ZNF791: variants seen among roughly 807,000 people sequenced by gnomAD.
The protein encoded by ZNF791 is zinc finger protein 791.
A neutral mutation model predicts 11.5 loss-of-function variants in ZNF791; 4 were observed. The observed-to-expected ratio is 0.35, with a 90% CI of 0.17 to 0.80. ZNF791 has a LOEUF of 0.80. Among genes scored for constraint, ZNF791 ranks in the 30% least tolerant of loss-of-function variants. ZNF791 has a pLI of 0.53. For synonymous variants in ZNF791, 212 were observed against 228.1 expected (o/e 0.93, Z 0.64); for missense variants, 559 against 699.4 (o/e 0.80, Z 2.26).
chr19:12,620,082 C>G (rs1454088908), intron 1 of ZNF791, among the ~76,000 whole-genome samples: 3 of 151,930 alleles, frequency 2.0e-5, no homozygotes, highest in East Asian at 3.9e-4. Flanking sequence ...CGCCACGGCA[C>G]CCAGCTAATT....
rs74808337 is a variant in ZNF791, at chr19:12,624,079, C to T, written c.130+253C>T. On this transcript the variant is annotated intron_variant, in intron 2 of 3. Coordinates refer to ENST00000343325, the MANE Select transcript of ZNF791 (RefSeq NM_153358.3). Reference sequence around the variant, plus strand: ...CCATGTTGGTCAGGCTGGTCTTGAACTCCTGACCACAGGTAATCTGCCCGC... The same window carrying T: ...CCATGTTGGTCAGGCTGGTCTTGAATTCCTGACCACAGGTAATCTGCCCGC... 1.3e-4 allele frequency among the ~76,000 whole-genome samples: 20 copies of T among 150,914 alleles called. No homozygotes were observed. In the East Asian group the frequency reaches 3.7e-3, roughly 28 times the overall value.
At chr19:12,614,855 A>AGGGCTG (rs1286880908) in intron 1 of ZNF791, among the ~76,000 whole-genome samples, 1 of 112,366 alleles carries the variant, frequency 8.9e-6, no homozygotes. Flanking sequence ...GGCCTCCCAG[A>AGGGCTG]GGGCTGGGAT....
intron 1 of ZNF791, among the ~76,000 whole-genome samples, chr19:12,617,913 CTTTTTTTTT>C (rs958944041): frequency 1.1e-5 from 1 of 94,746 alleles, no homozygotes; most frequent in Non-Finnish European, 2.2e-5. Context: ...CTAAATTTTG[CTTTTTTTTT>C]TTTTTTTTTT....
At chr19:12,621,811 G>T (rs1204985532) in intron 1 of ZNF791, among the ~76,000 whole-genome samples, 1 of 138,684 alleles carries the variant, frequency 7.2e-6, no homozygotes, top group Non-Finnish European at 1.6e-5. Flanking sequence ...CCGTCCGGGA[G>T]GTGAGGGGCG....
At chr19:12,615,705 G>A (rs2023236485) in intron 1 of ZNF791, among the ~76,000 whole-genome samples, 1 of 150,988 alleles carries the variant, frequency 6.6e-6, no homozygotes. Context: ...CTTGAACCTG[G>A]AAGGTGGAGG....
rs775731072 is a variant in ZNF791 at position 12,615,932 on chromosome 19, CAT to C, written c.3+4851_3+4852del. Among the ~76,000 whole-genome samples, 14 of 152,236 alleles carry C rather than the reference CAT, an allele frequency of 9.2e-5. No homozygotes were observed. In the South Asian group the frequency reaches 1.0e-3, roughly 11 times the overall value. ...TTTGTATGAACAGTATTTTTCAACT[CAT>C]GTGAGTAAATAGCAAGGAATGTGAT... On this transcript the variant is annotated intron_variant, in intron 1 of 3. Transcript: ENST00000343325.
At chr19:12,622,387 T>A (rs113220114) in intron 1 of ZNF791, among the ~76,000 whole-genome samples, 6,912 of 18,956 alleles carry the variant, frequency 0.36, 741 homozygotes, top group African/African-American at 0.52. Flanking sequence ...ATAAAAAAAA[T>A]AATAAAAAAA....
chr19:12,620,024 C>T (rs1000134915), intron 1 of ZNF791, among the ~76,000 whole-genome samples: 26 of 151,830 alleles, frequency 1.7e-4, no homozygotes, highest in African/African-American at 6.0e-4. Flanking sequence ...CCCGGGTTCC[C>T]GCCATTCTCC....
rs757766005 is a variant in ZNF791, at chr19:12,633,208, T to C, written c.*3948T>C. On this transcript the variant is annotated 3_prime_UTR_variant, in exon 4 of 4. Coordinates refer to ENST00000343325, the MANE Select transcript of ZNF791 (RefSeq NM_153358.3). ...ATGTGAAGTTTATCATATATTCTTA[T>C]GCGAATTATTATTTTCGCCTTTTTT... The C allele has an allele frequency of 6.6e-6, 1 of 152,186 alleles. No homozygotes were observed. Among genetic ancestry groups the C allele is most frequent in the Non-Finnish European group, 1.5e-5 (1 of 68,032 alleles). 9.4% of individuals were successfully genotyped at this position (152,186 alleles called of 1,614,324 possible). A position where few individuals can be genotyped will look rare whatever the true frequency, so the allele number is the denominator to read the frequency against.
At chr19:12,627,244 T>C (rs1044291007) in intron 3 of ZNF791, among the ~76,000 whole-genome samples, 24 of 151,750 alleles carry the variant, frequency 1.6e-4, no homozygotes, top group African/African-American at 5.8e-4. Flanking sequence ...TAGCTATCAG[T>C]GACACAAGCC....
intron 1 of ZNF791, among the ~76,000 whole-genome samples, chr19:12,620,077 CG>C (rs1388470290): frequency 6.6e-6 from 1 of 151,962 alleles, no homozygotes; most frequent in Non-Finnish European, 1.5e-5. Flanking sequence ...GCGCCCGCCA[CG>C]GCACCCAGCT....
At chr19:12,614,132 C>T (rs765047691) in intron 1 of ZNF791, among the ~76,000 whole-genome samples, 8 of 152,122 alleles carry the variant, frequency 5.3e-5, no homozygotes, top group Non-Finnish European at 1.2e-4. Context: ...TCTTTGCTGC[C>T]ATAGGAGAGA....
In ZNF791 at chr19:12,628,490, A is replaced by G. The variant is rs1164262738; in HGVS notation, c.961A>G (p.Ile321Val). 13 of 1,612,582 alleles carry G rather than the reference A, an allele frequency of 8.1e-6. No homozygotes were observed. The African/African-American group carries it at 1.6e-4, about 20-fold the overall frequency. ...CACCTCCATTCAAATTCATGAAAGA[A>G]TTCATACTGGAGAGAAGCCCTATAA... is the stretch of plus-strand genomic sequence containing the variant. Reference protein sequence around the residue: ...CSTSIQIHERIHTGEKPYKCK... With the variant: ...CSTSIQIHERVHTGEKPYKCK... Residue 321 changes from isoleucine (I) to valine (V), a missense_variant, in exon 4 of 4, where the codon ATT becomes GTT. Ile to Val is a conservative substitution (Grantham distance 29). Coordinates refer to ENST00000343325, the MANE Select transcript of ZNF791 (RefSeq NM_153358.3).
At chr19:12,619,681 C>G (rs1463146248) in intron 1 of ZNF791, among the ~76,000 whole-genome samples, 1 of 151,556 alleles carries the variant, frequency 6.6e-6, no homozygotes, top group African/African-American at 2.4e-5. Flanking sequence ...GATCTCCTGA[C>G]CTCATGATCT....
Position 12,624,674 on chromosome 19 carries a change from T to C in ZNF791, c.155T>C (p.Val52Ala), listed in dbSNP as rs1387153445. ...GGGGAAAAATGGGAAGACCCGAATGTTGAAGATCAACACAAAAACCAAGGA... is the reference window on the plus strand; with the variant it reads ...GGGGAAAAATGGGAAGACCCGAATGCTGAAGATCAACACAAAAACCAAGGA... ...SIGEKWEDPN[V>A]EDQHKNQGRN... Residue 52 changes from valine (V) to alanine (A), a missense_variant, in exon 3 of 4, where the codon GTT becomes GCT. By Grantham distance (64) the Val-to-Ala change is moderately conservative (BLOSUM62 0). Transcript: ENST00000343325. 26 of 1,608,454 alleles carry C rather than the reference T, an allele frequency of 1.6e-5. No individual in the cohort carries two copies. The highest frequency in any genetic ancestry group is 2.0e-5 in the Non-Finnish European group (24 of 1,176,988).
chr19:12,622,382 A>AAAT lies in ZNF791; in HGVS notation c.4-1316_4-1315insTAA, dbSNP rs1568288547. On this transcript the variant is annotated intron_variant, in intron 1 of 3. Coordinates refer to ENST00000343325, the MANE Select transcript of ZNF791 (RefSeq NM_153358.3). ...TAAATTAAAAAAAATAATAAATAAAAAAAATAATAAAAAAAAGACTGTCTC... is the reference window on the plus strand; with the variant it reads ...TAAATTAAAAAAAATAATAAATAAAAAATAAAATAATAAAAAAAAGACTGTCTC... Among the ~76,000 whole-genome samples the AAAT allele has an allele frequency of 9.1e-4, 119 of 130,306 alleles. 2 individuals carry two copies. Among genetic ancestry groups the AAAT allele is most frequent in the African/African-American group, 3.4e-3 (111 of 32,260 alleles). 85.5% of individuals were successfully genotyped at this position (130,306 alleles called of 152,430 possible).
chr19:12,622,415 A>C (rs1164673394), intron 1 of ZNF791, among the ~76,000 whole-genome samples: 1 of 144,540 alleles, frequency 6.9e-6, no homozygotes, highest in East Asian at 2.0e-4. Context: ...CTCAAACAAA[A>C]AAAAAAAAAA....
At chr19:12,617,395 A>G (rs2023260832) in intron 1 of ZNF791, among the ~76,000 whole-genome samples, 2 of 152,078 alleles carry the variant, frequency 1.3e-5, no homozygotes, top group South Asian at 4.1e-4. Flanking sequence ...GAGTGCTGGG[A>G]TTACAGGCAT....
intron 1 of ZNF791, among the ~76,000 whole-genome samples, chr19:12,613,385 T>A (rs959805362): frequency 1.3e-5 from 2 of 151,844 alleles, no homozygotes; most frequent in African/African-American, 2.4e-5. Context: ...CTCGAGACCA[T>A]CCTGGCTAAC....
Sources: gnomAD v4.1 joint callset for allele counts (sites outside exome capture counted in the v4.1 genomes callset) on GRCh38, gnomAD v4.1.1 for gene constraint, MANE v1.5 for transcripts, NCBI Gene and HGNC (gene_info 2026-07-23, HGNC 2026-07-21) for gene names.